The following DCC variants were observed in gnomAD, a reference collection of about 807,000 sequenced individuals.
DCC encodes netrin receptor DCC.
In DCC, 58 loss-of-function variants were observed where a neutral mutation model predicts 172.5. That is an observed-to-expected ratio of 0.34 (90% CI 0.27 to 0.42). DCC has a LOEUF of 0.42. DCC is among the 10% of genes least tolerant of loss of function. The pLI is 1.00. For synonymous variants in DCC, 709 were observed against 644.5 expected (o/e 1.10, Z -1.52); for missense variants, 1,740 against 1,791.0 (o/e 0.97, Z 0.51).
chr18:53,017,457 T>C (rs1419671548), intron 5 of DCC, among the ~76,000 whole-genome samples: 2 of 152,340 alleles, frequency 1.3e-5, no homozygotes, highest in East Asian at 3.9e-4. Flanking sequence ...TATCTAATTG[T>C]CATTTTAATT....
chr18:53,216,765 A>G (rs995503147), intron 12 of DCC, among the ~76,000 whole-genome samples: 1 of 152,198 alleles, frequency 6.6e-6, no homozygotes, highest in African/African-American at 2.4e-5. Flanking sequence ...TTGGATAAGA[A>G]CTATTAAAGC....
intron 2 of DCC, among the ~76,000 whole-genome samples, chr18:52,827,520 T>C (rs2038533994): frequency 6.6e-6 from 1 of 152,240 alleles, no homozygotes; most frequent in Non-Finnish European, 1.5e-5. Flanking sequence ...AAAACTATTA[T>C]TTGCCTAGGC....
At chr18:52,734,832 A>C (rs1489224499) in intron 1 of DCC, among the ~76,000 whole-genome samples, 1 of 152,200 alleles carries the variant, frequency 6.6e-6, no homozygotes, top group African/African-American at 2.4e-5. Flanking sequence ...CAAACAGGCA[A>C]AGGGATTTAA....
chr18:53,503,031 C>G (rs2046123873), intron 27 of DCC, among the ~76,000 whole-genome samples: 1 of 151,956 alleles, frequency 6.6e-6, no homozygotes, highest in African/African-American at 2.4e-5. Context: ...ACCGACAGGC[C>G]CCAGTGTGTG....
intron 1 of DCC, among the ~76,000 whole-genome samples, chr18:52,747,801 AG>A (rs2036929261): frequency 6.6e-6 from 1 of 152,178 alleles, no homozygotes; most frequent in South Asian, 2.1e-4. Flanking sequence ...GAAAGGGTTG[AG>A]GGGGTTTATC....
chr18:52,550,331 C>A (rs1311183945), intron 1 of DCC, among the ~76,000 whole-genome samples: 1 of 151,510 alleles, frequency 6.6e-6, no homozygotes, highest in African/African-American at 2.4e-5. Context: ...ACGTGGTCTC[C>A]TGAACAGAAA....
intron 1 of DCC, among the ~76,000 whole-genome samples, chr18:52,453,771 C>T (rs907659770): frequency 2.6e-5 from 4 of 151,946 alleles, no homozygotes; most frequent in East Asian, 3.9e-4. Context: ...TCATGATAAA[C>T]GGATTTGTCT....
At chr18:53,040,685 A>T (rs2042156904) in intron 5 of DCC, among the ~76,000 whole-genome samples, 1 of 152,012 alleles carries the variant, frequency 6.6e-6, no homozygotes, top group Non-Finnish European at 1.5e-5. Flanking sequence ...AATTAATAGG[A>T]AAAAACAAAC....
chr18:53,138,206 G>T (rs1020812232), intron 7 of DCC, among the ~76,000 whole-genome samples: 3 of 151,916 alleles, frequency 2.0e-5, no homozygotes, highest in African/African-American at 7.3e-5. Flanking sequence ...CTATTGTGTC[G>T]TCAGGGATGT....
chr18:53,289,687 AAG>A (rs1358312581), intron 12 of DCC, among the ~76,000 whole-genome samples: 1 of 152,182 alleles, frequency 6.6e-6, no homozygotes, highest in African/African-American at 2.4e-5. Flanking sequence ...ACAATCCAAA[AAG>A]AGTGTTTTTT....
Position 53,495,327 on chromosome 18 carries a change from G to A in DCC, c.3899-3971G>A, listed in dbSNP as rs1036839199. 2.7e-5 allele frequency among the ~76,000 whole-genome samples: 4 copies of A among 145,572 alleles called. No individual in the cohort carries two copies. In the South Asian group the frequency reaches 6.4e-4, roughly 23 times the overall value. On this transcript the variant is annotated intron_variant, in intron 26 of 28. Coordinates refer to ENST00000442544, the MANE Select transcript of DCC (RefSeq NM_005215.4). ...AATTGCTTGAACCTGGGAGGCAGAG[G>A]TTGCAGTGAGCCAAGATCGCACACT...
intron 11 of DCC, among the ~76,000 whole-genome samples, chr18:53,210,372 G>A (rs1259529091): frequency 6.6e-6 from 1 of 152,036 alleles, no homozygotes; most frequent in Non-Finnish European, 1.5e-5. Context: ...AAATTAAATG[G>A]GCTGATCTGT....
chr18:53,129,548 C>T (rs33999846), intron 7 of DCC, among the ~76,000 whole-genome samples: 2,729 of 152,132 alleles, frequency 0.018, 50 homozygotes, highest in East Asian at 0.11. Flanking sequence ...TAGTTTTATC[C>T]GTATTTAGAT....
intron 5 of DCC, among the ~76,000 whole-genome samples, chr18:52,986,097 A>G (rs1436168391): frequency 1.3e-5 from 2 of 152,150 alleles, no homozygotes; most frequent in Admixed American, 6.5e-5. Context: ...CTCTGTCACC[A>G]TGGAAAATTT....
At chr18:53,428,474 A>T (rs1312058931) in intron 21 of DCC, among the ~76,000 whole-genome samples, 1 of 58,588 alleles carries the variant, frequency 1.7e-5, no homozygotes, top group African/African-American at 5.3e-5. Context: ...TATATAATAT[A>T]TAATATATAT....
intron 1 of DCC, among the ~76,000 whole-genome samples, chr18:52,394,960 C>T (rs559432320): frequency 1.1e-4 from 16 of 152,102 alleles, no homozygotes; most frequent in Admixed American, 5.9e-4. Context: ...GACTATTTCC[C>T]GTTCCAAGTC....
At chr18:52,535,581 A>G (rs1359899466) in intron 1 of DCC, among the ~76,000 whole-genome samples, 1 of 152,226 alleles carries the variant, frequency 6.6e-6, no homozygotes, top group Non-Finnish European at 1.5e-5. Flanking sequence ...CTGTCCAATA[A>G]AAGGTATAAT....
chr18:53,300,262 G>A (rs549619327), intron 12 of DCC, among the ~76,000 whole-genome samples: 1 of 152,242 alleles, frequency 6.6e-6, no homozygotes, highest in South Asian at 2.1e-4. Context: ...GGTGCTTTGT[G>A]GTTATGCTTA....
intron 21 of DCC, among the ~76,000 whole-genome samples, chr18:53,422,025 A>G (rs1910667891): frequency 6.6e-6 from 1 of 152,274 alleles, no homozygotes; most frequent in African/African-American, 2.4e-5. Context: ...ATTATACAAA[A>G]TGGAGTCACT....
Sources: gnomAD v4.1 joint callset for allele counts (sites outside exome capture counted in the v4.1 genomes callset) on GRCh38, gnomAD v4.1.1 for gene constraint, MANE v1.5 for transcripts, NCBI Gene and HGNC (gene_info 2026-07-23, HGNC 2026-07-21) for gene names.